GTF3C1: variants seen among roughly 807,000 people sequenced by gnomAD.
GTF3C1 encodes the protein general transcription factor IIIC subunit 1, also known as general transcription factor 3C polypeptide 1.
A neutral mutation model predicts 226.7 loss-of-function variants in GTF3C1; 57 were observed. That is an observed-to-expected ratio of 0.25 (90% CI 0.20 to 0.31). The LOEUF (loss-of-function observed/expected upper bound fraction) is 0.31, where lower values mean the gene tolerates loss of function less well. GTF3C1 is among the 10% of genes least tolerant of loss of function. GTF3C1 has a pLI of 1.00. For synonymous variants in GTF3C1, 1,090 were observed against 1,084.8 expected (o/e 1.00, Z -0.09); for missense variants, 2,217 against 2,776.1 (o/e 0.80, Z 4.53).
chr16:27,518,913 G>C (rs2088703507), intron 6 of GTF3C1, among the ~76,000 whole-genome samples: 1 of 152,196 alleles, frequency 6.6e-6, no homozygotes, highest in Non-Finnish European at 1.5e-5. Context: ...GCATTCAAGG[G>C]CCCTAGCGTA....
intron 12 of GTF3C1, among the ~76,000 whole-genome samples, chr16:27,499,214 C>T (rs1175354627): frequency 1.3e-5 from 2 of 152,274 alleles, no homozygotes; most frequent in Non-Finnish European, 2.9e-5. Flanking sequence ...CACGTCCAAA[C>T]AAACCGGCAG....
In GTF3C1 at chr16:27,546,411, A is replaced by C. The variant is rs901961539; in HGVS notation, c.222-888T>G. 2.7e-5 allele frequency among the ~76,000 whole-genome samples: 4 copies of C among 150,852 alleles called. No individual in the cohort carries two copies. In the East Asian group the frequency reaches 7.8e-4, roughly 29 times the overall value. On this transcript the variant is annotated intron_variant, in intron 1 of 36. Coordinates refer to ENST00000356183, the MANE Select transcript of GTF3C1 (RefSeq NM_001520.4). ...TACCGCTTTCTTCCATGTGCCTCTTACAACACCATGGAGACATTTTTCATT... is the reference window on the plus strand; with the variant it reads ...TACCGCTTTCTTCCATGTGCCTCTTCCAACACCATGGAGACATTTTTCATT...
In GTF3C1 at chr16:27,484,197, T is replaced by C; in HGVS notation, c.4001+14A>G. 6.3e-7 allele frequency: 1 copy of C among 1,585,598 alleles called. No homozygotes were observed. The highest frequency in any genetic ancestry group is 8.7e-7 in the Non-Finnish European group (1 of 1,154,306). On this transcript the variant is annotated intron_variant, in intron 25 of 36. Transcript: ENST00000356183. Reference sequence around the variant, plus strand: ...AACCGTGTCCCGGAGTGACGGGGCTTCAATGAGGCTTACTTATAGTTGAGA... The same window carrying C: ...AACCGTGTCCCGGAGTGACGGGGCTCCAATGAGGCTTACTTATAGTTGAGA...
rs1463092037 is a variant in GTF3C1, at chr16:27,471,636, G to A, written c.4526+112C>T. The A allele has an allele frequency of 1.9e-5, 16 of 823,048 alleles. No homozygotes were observed. Among genetic ancestry groups the A allele is most frequent in the Admixed American group, 4.3e-5 (2 of 46,182 alleles). 51.0% of individuals were successfully genotyped at this position (823,048 alleles called of 1,614,324 possible). On this transcript the variant is annotated intron_variant, in intron 30 of 36. Transcript: ENST00000356183. The surrounding 1 kb of genome is among the most constrained non-coding windows in gnomAD (Gnocchi z 5.0). ...GCCGGCATCTTGCACATGAGGCTGC[G>A]AAGGTCCCTGGCTCCTACACGCTTT...
chr16:27,485,359 G>C (rs759116767), intron 24 of GTF3C1, among the ~76,000 whole-genome samples: 1 of 152,246 alleles, frequency 6.6e-6, no homozygotes, highest in Non-Finnish European at 1.5e-5. Context: ...AAGAGGTCTC[G>C]CTGCCTTGTG....
At position 27,469,963 on chromosome 16, in the gene GTF3C1, T is replaced by G. The variant is rs774192091; in HGVS notation, c.4814+145A>C. 1.4e-6 allele frequency: 1 copy of G among 719,030 alleles called. No homozygotes were observed. The highest frequency in any genetic ancestry group is 2.4e-6 in the Non-Finnish European group (1 of 418,238). The allele number at this position is 719,030 out of a possible 1,614,324, so 44.5% of individuals were successfully genotyped here. A position where few individuals can be genotyped will look rare whatever the true frequency, so the allele number is the denominator to read the frequency against. ...TGGGAGGCACCAGCAGAGGACACCTTAGACACCGGCCTATAATCCCCAGTC... is the reference window on the plus strand; with the variant it reads ...TGGGAGGCACCAGCAGAGGACACCTGAGACACCGGCCTATAATCCCCAGTC... On this transcript the variant is annotated intron_variant, in intron 31 of 36. Transcript: ENST00000356183. This position sits in a 1 kb window ranked among gnomAD's most constrained non-coding sequence, Gnocchi z 4.5.
chr16:27,497,543 C>T (rs2088338025), intron 14 of GTF3C1, 94 bp downstream of exon 14: 6 of 974,820 alleles, frequency 6.2e-6, no homozygotes, highest in East Asian at 2.4e-5. Flanking sequence ...GACTGCGGCT[C>T]GGAGCTCAAA....
At chr16:27,472,048 T>G (rs1301736983) in intron 29 of GTF3C1, 128 bp from the exon 30 acceptor site, 1 of 733,718 alleles carries the variant, frequency 1.4e-6, no homozygotes, top group East Asian at 2.7e-5. Flanking sequence ...AGGCCCAGGC[T>G]GGCGTATGTG....
chr16:27,525,167 GA>G (rs1224418104), intron 6 of GTF3C1, among the ~76,000 whole-genome samples: 1 of 141,978 alleles, frequency 7.0e-6, no homozygotes, highest in South Asian at 2.1e-4. Flanking sequence ...AGAAAAGAAA[GA>G]AAAGAAAAGA....
intron 32 of GTF3C1, 34 bp from the exon 33 acceptor site, chr16:27,465,574 C>A: frequency 6.5e-7 from 1 of 1,546,148 alleles, no homozygotes; most frequent in African/African-American, 1.4e-5. Context: ...AGAGGCAGCC[C>A]GACAGAGGCC....
rs115728948 is a variant in GTF3C1 at position 27,471,265 on chromosome 16, G to A, written c.4526+483C>T. ...AGGCTGGTGGTGCAACGCCCTCTGC[G>A]GCATGAAGCCACACTGCAAGAGCGC... On this transcript the variant is annotated intron_variant, in intron 30 of 36. Coordinates refer to ENST00000356183, the MANE Select transcript of GTF3C1 (RefSeq NM_001520.4). The surrounding 1 kb of genome is among the most constrained non-coding windows in gnomAD (Gnocchi z 5.0). 0.011 allele frequency among the ~76,000 whole-genome samples: 1,628 copies of A among 152,328 alleles called. 42 individuals carry two copies. The highest frequency in any genetic ancestry group is 0.037 in the African/African-American group (1,533 of 41,572).
rs200275527 is a variant in GTF3C1 at position 27,464,651 on chromosome 16, G to A, written c.5541C>T (p.Pro1847=). Residue 1847 remains proline (P), a synonymous_variant, in exon 34 of 37, where the codon CCC becomes CCT. Coordinates refer to ENST00000356183, the MANE Select transcript of GTF3C1 (RefSeq NM_001520.4). ...TGTGAGAAGGAGGTGCCTGCCCCTC[G>A]GGGGGGCTGTCCTCACTGGAAGACC... ...LEGSSSEDSP[P]EGQAPPSHSP... is the part of the protein sequence containing the mutation. 258 of 1,517,064 alleles carry A rather than the reference G, an allele frequency of 1.7e-4. 2 individuals carry two copies. The East Asian group carries it at 4.6e-3, about 27-fold the overall frequency. 94.0% of individuals were successfully genotyped at this position (1,517,064 alleles called of 1,614,324 possible). A position where few individuals can be genotyped will look rare whatever the true frequency, so the allele number is the denominator to read the frequency against.
rs1318686160 is a variant in GTF3C1, at chr16:27,470,800, C to G, written c.4527-405G>C. The G allele has an allele frequency of 2.4e-5, 5 of 207,136 alleles. No homozygotes were observed. The East Asian group carries it at 5.8e-4, about 24-fold the overall frequency. 12.8% of individuals were successfully genotyped at this position (207,136 alleles called of 1,614,324 possible). On this transcript the variant is annotated intron_variant, in intron 30 of 36. Transcript: ENST00000356183. This position sits in a 1 kb window ranked among gnomAD's most constrained non-coding sequence, Gnocchi z 4.9. ...TACACATGTGCCCAAGCTGTCTCCA[C>G]GCAGTGCCTGGTGAGTCACTTCCCC... is the stretch of plus-strand genomic sequence containing the variant.
intron 2 of GTF3C1, among the ~76,000 whole-genome samples, chr16:27,538,785 C>T (rs936821313): frequency 3.3e-5 from 5 of 152,134 alleles, no homozygotes; most frequent in Non-Finnish European, 7.3e-5. Context: ...GCTGTTTCCT[C>T]GGCCTGGCTG....
At chr16:27,495,935 G>A (rs1468333630) in intron 14 of GTF3C1, among the ~76,000 whole-genome samples, 2 of 152,192 alleles carry the variant, frequency 1.3e-5, no homozygotes, top group African/African-American at 2.4e-5. Flanking sequence ...GAGGGCAATC[G>A]AGCAGGGAAC....
chr16:27,534,956 C>T (rs2088978522), intron 4 of GTF3C1, among the ~76,000 whole-genome samples: 1 of 151,442 alleles, frequency 6.6e-6, no homozygotes, highest in African/African-American at 2.4e-5. Context: ...AACTGTATAA[C>T]ATTAGAAATA....
chr16:27,493,271 T>C lies in GTF3C1; in HGVS notation c.2804A>G (p.Asn935Ser), dbSNP rs779823624. 1 of 1,608,598 alleles carries C rather than the reference T, an allele frequency of 6.2e-7. No individual in the cohort carries two copies. Among genetic ancestry groups the C allele is most frequent in the South Asian group, 1.1e-5 (1 of 90,978 alleles). Residue 935 changes from asparagine (N) to serine (S), a missense_variant, in exon 17 of 37, where the codon AAC becomes AGC. Transcript: ENST00000356183. ...YKVDNLEEFL[N>S]DPLKKHTLIR... ...CAGCGTGTGCTTCTTCAGCGGGTCG[T>C]TCAGAAATTCCTCCAGGTTGTCCAC... is the stretch of plus-strand genomic sequence containing the variant.
rs748186984 is a variant in GTF3C1 at position 27,471,697 on chromosome 16, ACAGGGCGT to A, written c.4526+43_4526+50del. 4 of 1,427,002 alleles carry A rather than the reference ACAGGGCGT, an allele frequency of 2.8e-6. No individual in the cohort carries two copies. Among genetic ancestry groups the A allele is most frequent in the Non-Finnish European group, 3.9e-6 (4 of 1,014,474 alleles). 88.4% of individuals were successfully genotyped at this position (1,427,002 alleles called of 1,614,324 possible). ...GTGCTTCCTTTGCTCCTCTTTACAG[ACAGGGCGT>A]GGCTCCACCTCGGAGTACCCAAGGC... is the stretch of plus-strand genomic sequence containing the variant. On this transcript the variant is annotated intron_variant, in intron 30 of 36. Coordinates refer to ENST00000356183, the MANE Select transcript of GTF3C1 (RefSeq NM_001520.4). This position sits in a 1 kb window ranked among gnomAD's most constrained non-coding sequence, Gnocchi z 5.0.
intron 2 of GTF3C1, among the ~76,000 whole-genome samples, chr16:27,541,339 C>T (rs1404524535): frequency 3.3e-5 from 5 of 152,200 alleles, no homozygotes; most frequent in African/African-American, 7.2e-5. Flanking sequence ...AGGCCAGCAG[C>T]GCCTACATCC....
Sources: gnomAD v4.1 joint callset for allele counts (sites outside exome capture counted in the v4.1 genomes callset) on GRCh38, gnomAD v4.1.1 for gene constraint, Gnocchi (gnomAD v3.1) non-coding constraint, MANE v1.5 for transcripts, NCBI Gene and HGNC (gene_info 2026-07-23, HGNC 2026-07-21) for gene names.